Variants in SETD3 observed in about 807,000 individuals in gnomAD.
The protein encoded by SETD3 is SET domain containing 3, actin N3(tau)-histidine methyltransferase, also known as actin-histidine N-methyltransferase.
Under a neutral mutation model 63.0 loss-of-function variants are expected in SETD3, and 19 were observed. That is an observed-to-expected ratio of 0.30 (90% CI 0.21 to 0.44). The LOEUF is 0.44. Among genes scored for constraint, SETD3 ranks in the 20% least tolerant of loss-of-function variants. The pLI, the probability that SETD3 is intolerant of heterozygous loss-of-function variation, is 1.00. For synonymous variants in SETD3, 286 were observed against 264.1 expected (o/e 1.08, Z -0.80); for missense variants, 587 against 728.5 (o/e 0.81, Z 2.24).
At chr14:99,447,289 T>C (rs559728668) in intron 6 of SETD3, among the ~76,000 whole-genome samples, 1 of 152,138 alleles carries the variant, frequency 6.6e-6, no homozygotes, top group African/African-American at 2.4e-5. Flanking sequence ...ATTTCTTCAG[T>C]CCCCCAAAAG....
At position 99,458,324 on chromosome 14, in the gene SETD3, A is replaced by G; in HGVS notation, c.630T>C (p.Tyr210=). Residue 210 remains tyrosine (Y), a synonymous_variant, in exon 6 of 13, where the codon TAT becomes TAC. Coordinates refer to ENST00000331768, the MANE Select transcript of SETD3 (RefSeq NM_032233.3). ...AGGCGTACTGTCGAGCTGTGTTTTTATACTGGCTGAAGACATCATGTATAG... is the reference window on the plus strand; with the variant it reads ...AGGCGTACTGTCGAGCTGTGTTTTTGTACTGGCTGAAGACATCATGTATAG... The part of the protein sequence containing the change: ...TQAIHDVFSQ[Y]KNTARQYAYF... The G allele has an allele frequency of 6.2e-7, 1 of 1,614,170 alleles. No individual in the cohort carries two copies. The highest frequency in any genetic ancestry group is 8.5e-7 in the Non-Finnish European group (1 of 1,180,032).
chr14:99,451,652 G>A (rs1375964005), intron 6 of SETD3, among the ~76,000 whole-genome samples: 4 of 151,758 alleles, frequency 2.6e-5, no homozygotes, highest in African/African-American at 7.2e-5. Flanking sequence ...AACTACAGGC[G>A]TGTGCCACCA....
Position 99,398,796 on chromosome 14 carries a change from T to C in SETD3, c.1668A>G (p.Glu556=), listed in dbSNP as rs761196397. The C allele has an allele frequency of 8.1e-6, 13 of 1,614,094 alleles. No homozygotes were observed. In the Admixed American group the frequency reaches 8.3e-5, roughly 10 times the overall value. The change falls in exon 13 of 13, where the codon GAA becomes GAG. Residue 556 remains glutamate (E), a synonymous_variant. Transcript: ENST00000331768. ...KATENGLVNG[E]NSIPNGTRSE... ...ACCTGGTCCCATTAGGGATAGAGTT[T>C]TCACCGTTTACAAGCCCGTTTTCTG...
intron 8 of SETD3, among the ~76,000 whole-genome samples, chr14:99,407,817 T>C (rs1026489803): frequency 6.6e-6 from 1 of 152,166 alleles, no homozygotes; most frequent in Non-Finnish European, 1.5e-5. Flanking sequence ...CGGTCACACT[T>C]GGAAGCTGGA....
chr14:99,423,321 C>G (rs1892687969), intron 6 of SETD3, among the ~76,000 whole-genome samples: 1 of 151,846 alleles, frequency 6.6e-6, no homozygotes, highest in African/African-American at 2.4e-5. Context: ...TTTAACATTA[C>G]TAGTAAAATG....
chr14:99,442,598 C>T (rs914775363), intron 6 of SETD3, among the ~76,000 whole-genome samples: 1 of 152,176 alleles, frequency 6.6e-6, no homozygotes, highest in Non-Finnish European at 1.5e-5. Flanking sequence ...TAACCCACTC[C>T]CACTAATGAA....
At chr14:99,451,950 T>A (rs778109275) in intron 6 of SETD3, among the ~76,000 whole-genome samples, 13 of 152,156 alleles carry the variant, frequency 8.5e-5, no homozygotes, top group Non-Finnish European at 1.6e-4. Context: ...AAGAAGAAGA[T>A]ATTTGACATA....
At chr14:99,401,832 C>A (rs1891402684) in intron 11 of SETD3, among the ~76,000 whole-genome samples, 1 of 152,156 alleles carries the variant, frequency 6.6e-6, no homozygotes, top group Non-Finnish European at 1.5e-5. Context: ...TTGCACTCTG[C>A]AATGATGGAA....
At chr14:99,459,063 A>T (rs755765992) in intron 5 of SETD3, 50 bp downstream of exon 5, 4 of 1,391,812 alleles carry the variant, frequency 2.9e-6, no homozygotes, top group Non-Finnish European at 3.0e-6. Flanking sequence ...GGAATTTTAC[A>T]TATTTTTGTC....
In SETD3 at chr14:99,398,958, A is replaced by G. The variant is rs372814420; in HGVS notation, c.1506T>C (p.Tyr502=). 17 of 1,613,934 alleles carry G rather than the reference A, an allele frequency of 1.1e-5. No homozygotes were observed. The African/African-American group carries it at 1.6e-4, about 15-fold the overall frequency. ...CCAACAGCCCAAGGTTACTCTCTTCATATTTGGGAAGCGGAGCCTTTTCCT... is the reference window on the plus strand; with the variant it reads ...CCAACAGCCCAAGGTTACTCTCTTCGTATTTGGGAAGCGGAGCCTTTTCCT... ...QMEEKAPLPK[Y]EESNLGLLES... The change falls in exon 13 of 13, where the codon TAT becomes TAC. Residue 502 remains tyrosine (Y), a synonymous_variant. Transcript: ENST00000331768.
intron 11 of SETD3, among the ~76,000 whole-genome samples, chr14:99,403,455 A>ACACTCTCTCT (rs1416541957): frequency 2.2e-5 from 3 of 135,540 alleles, no homozygotes; most frequent in East Asian, 4.5e-4. Context: ...ACACACACAC[A>ACACTCTCTCT]CTCTCTCTCT....
chr14:99,449,086 C>T (rs1399394193), intron 6 of SETD3, among the ~76,000 whole-genome samples: 1 of 152,136 alleles, frequency 6.6e-6, no homozygotes, highest in African/African-American at 2.4e-5. Flanking sequence ...ATCCATGAGT[C>T]CATACCGATA....
intron 12 of SETD3, among the ~76,000 whole-genome samples, 157 bp from the exon 13 acceptor site, chr14:99,399,282 T>A (rs1462194554): frequency 6.6e-6 from 1 of 152,134 alleles, no homozygotes; most frequent in East Asian, 1.9e-4. Flanking sequence ...GACCAGACAC[T>A]CACATCAAAA....
upstream of SETD3, chr14:99,481,342 C>T (rs1896306897): frequency 2.5e-6 from 1 of 398,402 alleles, no homozygotes; most frequent in African/African-American, 2.1e-5. Context: ...TGACAGGCAT[C>T]CTACTCTCTC....
rs55804663 is a variant in SETD3, at chr14:99,403,455, ACTCTCTCTCTCT to A, written c.1177+758_1177+769del. Among the ~76,000 whole-genome samples the A allele has an allele frequency of 2.8e-3, 384 of 135,536 alleles. 3 individuals carry two copies. Among genetic ancestry groups the A allele is most frequent in the African/African-American group, 5.2e-3 (172 of 33,398 alleles). The allele number at this position is 135,536 out of a possible 152,430, so 88.9% of individuals were successfully genotyped here. ...TACACACACACACACACACACACACACTCTCTCTCTCTCTCTCTCTCTCTCTCTCTCTCTTTC... is the reference window on the plus strand; with the variant it reads ...TACACACACACACACACACACACACACTCTCTCTCTCTCTCTCTCTCTTTC... On this transcript the variant is annotated intron_variant, in intron 11 of 12. Coordinates refer to ENST00000331768, the MANE Select transcript of SETD3 (RefSeq NM_032233.3).
chr14:99,410,772 G>A (rs1198922089), intron 8 of SETD3, among the ~76,000 whole-genome samples: 1 of 152,144 alleles, frequency 6.6e-6, no homozygotes, highest in Non-Finnish European at 1.5e-5. Flanking sequence ...TTTCCTTGCT[G>A]TCACTGGTTT....
In SETD3 at chr14:99,398,576, C is replaced by T. The variant is rs1393626081; in HGVS notation, c.*103G>A. The T allele has an allele frequency of 9.0e-7, 1 of 1,106,070 alleles. No individual in the cohort carries two copies. 68.5% of individuals were successfully genotyped at this position (1,106,070 alleles called of 1,614,324 possible). On this transcript the variant is annotated 3_prime_UTR_variant, in exon 13 of 13. Coordinates refer to ENST00000331768, the MANE Select transcript of SETD3 (RefSeq NM_032233.3). ...ATATAAAGCAGCAAAAACATATCTT[C>T]CTCTCTGCAGAAAGAAAAATGTTAA...
chr14:99,416,923 T>C (rs1892319903), intron 6 of SETD3, among the ~76,000 whole-genome samples: 2 of 152,138 alleles, frequency 1.3e-5, no homozygotes, highest in South Asian at 2.1e-4. Context: ...AAGGAGGCAT[T>C]CCATGTTGAG....
At chr14:99,477,615 G>A (rs1361497430) in intron 1 of SETD3, among the ~76,000 whole-genome samples, 1 of 151,900 alleles carries the variant, frequency 6.6e-6, no homozygotes, top group South Asian at 2.1e-4. Context: ...TTAGCCAGGC[G>A]TGGTGGCGCA....
Sources: allele counts gnomAD v4.1 joint callset (sites outside exome capture counted in the v4.1 genomes callset), GRCh38; gene constraint gnomAD v4.1.1; transcripts MANE v1.5; gene names NCBI Gene and HGNC (gene_info 2026-07-23, HGNC 2026-07-21).